The following PASD1 variants were observed in gnomAD, a reference collection of about 807,000 sequenced individuals.
PASD1 encodes the protein circadian clock protein PASD1.
In PASD1, 13 loss-of-function variants were observed where a neutral mutation model predicts 58.8. The observed-to-expected ratio is 0.22, with a 90% CI of 0.14 to 0.35. PASD1 has a LOEUF of 0.35. Ranked by LOEUF, PASD1 falls within the 10% of genes least tolerant of loss-of-function variation. PASD1 has a pLI of 1.00. For missense variants in PASD1, 734 were observed against 568.3 expected (o/e 1.29, Z -2.96); for synonymous variants, 236 against 216.7 (o/e 1.09, Z -0.78).
chrX:151,611,601 A>C, intron 3 of PASD1, 63 bp from the exon 4 acceptor site: 1 of 818,995 alleles, frequency 1.2e-6, no homozygotes, highest in Non-Finnish European at 1.8e-6. Flanking sequence ...TGCATTTAGC[A>C]ATAAAACTAT....
intron 11 of PASD1, among the ~76,000 whole-genome samples, chrX:151,670,589 G>A (rs4578103): frequency 8.9e-6 from 1 of 112,252 alleles, no homozygotes; most frequent in Non-Finnish European, 1.9e-5. Context: ...GCTCTGTGAA[G>A]ATCAGACCTG....
At chrX:151,573,978 C>T (rs1343933619) in intron 1 of PASD1, among the ~76,000 whole-genome samples, 1 of 112,274 alleles carries the variant, frequency 8.9e-6, no homozygotes, top group African/African-American at 3.2e-5. Flanking sequence ...CCTTTACTAA[C>T]ATGTTGTCTG....
rs150964689 is a variant in PASD1 at position 151,593,574 on chromosome X, C to T, written c.-27-7953C>T. The stretch of plus-strand genomic sequence containing the variant: ...CCATGTCCCCGCAAAGGACATGAAC[C>T]CATCCTTTTTTATGGCTGCATACTA... On this transcript the variant is annotated intron_variant, in intron 1 of 15. Coordinates refer to ENST00000370357, the MANE Select transcript of PASD1 (RefSeq NM_173493.3). Among the ~76,000 whole-genome samples the T allele has an allele frequency of 7.2e-3, 794 of 111,038 alleles. 13 individuals carry two copies. Among genetic ancestry groups the T allele is most frequent in the African/African-American group, 0.025 (767 of 30,518 alleles).
chrX:151,605,625 G>T (rs1165287448), intron 3 of PASD1, among the ~76,000 whole-genome samples: 4 of 111,091 alleles, frequency 3.6e-5, no homozygotes. Flanking sequence ...GTGACACAGG[G>T]TCTCACTGTG....
intron 1 of PASD1, among the ~76,000 whole-genome samples, chrX:151,599,685 G>A (rs747018605): frequency 1.9e-5 from 2 of 105,436 alleles, no homozygotes; most frequent in East Asian, 3.1e-4. Flanking sequence ...GGGCAGAGGC[G>A]CTCCCCACAT....
intron 10 of PASD1, among the ~76,000 whole-genome samples, chrX:151,660,792 C>A (rs2014299369): frequency 8.9e-6 from 1 of 112,291 alleles, no homozygotes; most frequent in Non-Finnish European, 1.9e-5. Context: ...TCAAGTAACT[C>A]CTGGGTTTCT....
At chrX:151,627,784 T>A (rs1468753193) in intron 8 of PASD1, among the ~76,000 whole-genome samples, 4 of 112,052 alleles carry the variant, frequency 3.6e-5, no homozygotes, top group African/African-American at 1.3e-4. Context: ...TGCCACACTG[T>A]CTTCCACAAT....
chrX:151,666,829 G>A (rs1398405917), intron 11 of PASD1, among the ~76,000 whole-genome samples: 29 of 106,143 alleles, frequency 2.7e-4, no homozygotes, highest in East Asian at 1.2e-3. Flanking sequence ...ATTGTGAATA[G>A]TGCCACAATA....
intron 8 of PASD1, among the ~76,000 whole-genome samples, chrX:151,643,911 C>T (rs1326921788): frequency 1.8e-5 from 2 of 112,080 alleles, no homozygotes; most frequent in Non-Finnish European, 3.8e-5. Flanking sequence ...ATACAGACCC[C>T]TGGGTAGGAA....
chrX:151,670,774 T>C (rs1402158141), intron 11 of PASD1, among the ~76,000 whole-genome samples: 6 of 112,364 alleles, frequency 5.3e-5, no homozygotes, highest in African/African-American at 1.6e-4. Context: ...ACTTTGGGCA[T>C]GTTGCTTCAT....
intron 7 of PASD1, 108 bp downstream of exon 7, chrX:151,623,172 C>T: frequency 2.2e-6 from 2 of 921,257 alleles, no homozygotes; most frequent in Non-Finnish European, 3.0e-6. Flanking sequence ...CTAAATTACT[C>T]AGTGTGTGCA....
intron 1 of PASD1, among the ~76,000 whole-genome samples, chrX:151,596,842 A>G (rs191751502): frequency 4.5e-3 from 506 of 111,992 alleles, no homozygotes; most frequent in Non-Finnish European, 7.2e-3. Flanking sequence ...TATCAGGTTA[A>G]GGAACTTCCT....
intron 1 of PASD1, among the ~76,000 whole-genome samples, chrX:151,568,850 C>T (rs1267074772): frequency 9.0e-6 from 1 of 111,303 alleles, no homozygotes; most frequent in Non-Finnish European, 1.9e-5. Flanking sequence ...TTAGACTTTT[C>T]GGTGAACTTC....
rs534869855 is a variant in PASD1, at chrX:151,603,625, G to A, written c.29-1021G>A. Among the ~76,000 whole-genome samples the A allele has an allele frequency of 7.8e-4, 87 of 111,112 alleles. No homozygotes were observed. In the South Asian group the frequency reaches 0.013, roughly 16 times the overall value. ...GCCTAGAATTGAGTTTCCAAGCTGG[G>A]ACAGTGGTCAGGATCACTGATCCTG... On this transcript the variant is annotated intron_variant, in intron 2 of 15. Coordinates refer to ENST00000370357, the MANE Select transcript of PASD1 (RefSeq NM_173493.3).
intron 1 of PASD1, among the ~76,000 whole-genome samples, chrX:151,578,637 T>C (rs1310669058): frequency 8.9e-6 from 1 of 112,537 alleles, no homozygotes; most frequent in African/African-American, 3.2e-5. Flanking sequence ...GAAACAAGCC[T>C]AACTCCCCAA....
intron 10 of PASD1, among the ~76,000 whole-genome samples, chrX:151,662,615 G>C (rs1224370064): frequency 9.0e-6 from 1 of 110,658 alleles, no homozygotes; most frequent in African/African-American, 3.3e-5. Context: ...ATTTATTTCA[G>C]CATGTAACAA....
At chrX:151,617,072 A>G (rs1408421876) in intron 4 of PASD1, among the ~76,000 whole-genome samples, 1 of 111,365 alleles carries the variant, frequency 9.0e-6, no homozygotes, top group Non-Finnish European at 1.9e-5. Flanking sequence ...CACCACACTA[A>G]TATTTGTGTG....
At position 151,674,006 on chromosome X, in the gene PASD1, T is replaced by G; in HGVS notation, c.1995T>G (p.Ser665=). The change falls in exon 15 of 16, where the codon TCT becomes TCG. Residue 665 remains serine (S), a synonymous_variant. Coordinates refer to ENST00000370357, the MANE Select transcript of PASD1 (RefSeq NM_173493.3). ...ATACCTCAAACTCTGAGGCAATTTCTTCTTCCAGCATTCCTCAGTTTCCCA... is the reference window on the plus strand; with the variant it reads ...ATACCTCAAACTCTGAGGCAATTTCGTCTTCCAGCATTCCTCAGTTTCCCA... ...LIDTSNSEAI[S]SSSIPQFPIT... The G allele has an allele frequency of 8.3e-7, 1 of 1,211,281 alleles. No homozygotes were observed. Among genetic ancestry groups the G allele is most frequent in the South Asian group, 1.8e-5 (1 of 56,946 alleles).
chrX:151,653,874 CTTTCTTT>C (rs2014195371), intron 9 of PASD1, among the ~76,000 whole-genome samples: 1 of 19,118 alleles, frequency 5.2e-5, no homozygotes, highest in Non-Finnish European at 1.0e-4. Flanking sequence ...CTCCCTCTTT[CTTTCTTT>C]CTTTCTTTCT....
Sources: allele counts gnomAD v4.1 joint callset (sites outside exome capture counted in the v4.1 genomes callset), GRCh38; gene constraint gnomAD v4.1.1; transcripts MANE v1.5; gene names NCBI Gene and HGNC (gene_info 2026-07-23, HGNC 2026-07-21).